Variants in ZNF550 observed in about 807,000 individuals in gnomAD.
ZNF550 encodes the protein zinc finger protein 550.
ZNF550 carries 42 observed loss-of-function variants against 40.2 expected under a neutral mutation model. That is an observed-to-expected ratio of 1.05 (90% CI 0.82 to 1.35). The LOEUF (loss-of-function observed/expected upper bound fraction) is 1.35, where lower values mean the gene tolerates loss of function less well. Among genes scored for constraint, ZNF550 ranks in the 40% most tolerant of loss-of-function variants. The pLI, the probability that ZNF550 is intolerant of heterozygous loss-of-function variation, is 0.00. For missense variants in ZNF550, 549 were observed against 525.2 expected (o/e 1.05, Z -0.44); for synonymous variants, 223 against 198.6 (o/e 1.12, Z -1.03).
chr19:57,550,195 G>A (rs375931807), intron 3 of ZNF550, among the ~76,000 whole-genome samples: 1 of 152,262 alleles, frequency 6.6e-6, no homozygotes, highest in East Asian at 1.9e-4. Flanking sequence ...CCCGAGTGCA[G>A]CAGCAGTCTC....
exon 4 of ZNF550, chr19:57,546,551 G>A (rs2090011628): frequency 5.0e-6 from 5 of 993,646 alleles, no homozygotes; most frequent in Admixed American, 5.4e-5. Flanking sequence ...TGACAACCTG[G>A]TCACAAAGTT....
chr19:57,547,047 G>C lies in ZNF550; in HGVS notation c.1197C>G (p.Tyr399Ter), dbSNP rs780662580. The C allele has an allele frequency of 1.2e-6, 2 of 1,613,976 alleles. No individual in the cohort carries two copies. Among genetic ancestry groups the C allele is most frequent in the Non-Finnish European group, 1.7e-6 (2 of 1,179,936 alleles). Reference sequence around the variant, plus strand: ...AGGCCTTCCCACACTCGATACACTTGTAGGGCATCTCCCCAGTGTGGATGA... The same window carrying C: ...AGGCCTTCCCACACTCGATACACTTCTAGGGCATCTCCCCAGTGTGGATGA... Residue 399 changes from tyrosine (Y) to a stop codon, truncating the protein, a stop_gained, in exon 4 of 5, where the codon TAC becomes TAG. Transcript: ENST00000457177. LOFTEE classifies it high-confidence loss of function.
exon 4 of ZNF550, chr19:57,547,539 T>C (rs761508859): frequency 1.2e-6 from 2 of 1,614,182 alleles, no homozygotes; most frequent in Admixed American, 3.3e-5. Flanking sequence ...CTTTCCCACA[T>C]GCATTGCATT....
chr19:57,553,438 T>G (rs2090091827), intron 2 of ZNF550: 1 of 152,252 alleles, frequency 6.6e-6, no homozygotes, highest in Non-Finnish European at 1.5e-5. Flanking sequence ...TTTCTTTCTT[T>G]TTTTGAAACA....
chr19:57,558,691 T>C (rs1377002232), intron 1 of ZNF550, among the ~76,000 whole-genome samples: 1 of 152,090 alleles, frequency 6.6e-6, no homozygotes. Flanking sequence ...GAGACCTCTT[T>C]AAGCAGCGGA....
chr19:57,544,007 T>TA lies in ZNF550; in HGVS notation c.*519-765_*519-764insT, dbSNP rs1167489511. On this transcript the variant is annotated intron_variant, in intron 4 of 4. Coordinates refer to ENST00000457177, the Ensembl canonical transcript of ZNF550. ...GGAAAACATACAGAAGTTCACAACT[T>TA]TTACTGTAAGTTCAAAACTTCTACT... 3.0e-6 allele frequency: 3 copies of TA among 985,332 alleles called. No homozygotes were observed. The African/African-American group carries it at 5.2e-5, about 17-fold the overall frequency. 61.0% of individuals were successfully genotyped at this position (985,332 alleles called of 1,614,324 possible).
chr19:57,551,883 A>G (rs2090075653), intron 3 of ZNF550, among the ~76,000 whole-genome samples: 1 of 152,212 alleles, frequency 6.6e-6, no homozygotes, highest in African/African-American at 2.4e-5. Context: ...ATATGGAGCA[A>G]AGGGCTGCTT....
At chr19:57,548,037 A>G (rs201040945) in intron 3 of ZNF550, 44 bp from the exon 4 acceptor site, 1 of 1,535,052 alleles carries the variant, frequency 6.5e-7, no homozygotes, top group Non-Finnish European at 8.8e-7. Flanking sequence ...TTAGTGATAA[A>G]ATATAGAAAA....
At chr19:57,544,273 C>T in intron 4 of ZNF550, 1 of 985,384 alleles carries the variant, frequency 1.0e-6, no homozygotes, top group Non-Finnish European at 1.2e-6. Context: ...ATCCTTGTAC[C>T]AAACACTTCA....
intron 2 of ZNF550, 150 bp downstream of exon 2, chr19:57,556,081 C>A: frequency 2.0e-6 from 2 of 1,016,422 alleles, no homozygotes; most frequent in Admixed American, 2.0e-5. Flanking sequence ...TCTACCCCGA[C>A]AATCTCTGAT....
chr19:57,546,028 T>C (rs190243994), intron 4 of ZNF550, among the ~76,000 whole-genome samples: 1 of 151,220 alleles, frequency 6.6e-6, no homozygotes, highest in Non-Finnish European at 1.5e-5. Flanking sequence ...AAATAATGAG[T>C]TTATTAATAA....
chr19:57,548,565 GAC>G (rs751587278), intron 3 of ZNF550, among the ~76,000 whole-genome samples: 1 of 152,116 alleles, frequency 6.6e-6, no homozygotes, highest in Non-Finnish European at 1.5e-5. Flanking sequence ...TTGTCCAAAA[GAC>G]AGGCAATAAC....
At chr19:57,556,202 C>G (rs1394628535) in intron 2 of ZNF550, 29 bp downstream of exon 2, 30 of 1,613,618 alleles carry the variant, frequency 1.9e-5, no homozygotes, top group Non-Finnish European at 2.5e-5. Context: ...GGTTAGGGTC[C>G]TCCTCAGGGA....
rs1299135908 is a variant in ZNF550 at position 57,554,146 on chromosome 19, T to G, written c.155-1424A>C. The G allele has an allele frequency of 6.6e-6, 1 of 152,034 alleles. No homozygotes were observed. The highest frequency in any genetic ancestry group is 6.6e-5 in the Admixed American group (1 of 15,252). 9.4% of individuals were successfully genotyped at this position (152,034 alleles called of 1,614,324 possible). A position where few individuals can be genotyped will look rare whatever the true frequency, so the allele number is the denominator to read the frequency against. On this transcript the variant is annotated intron_variant, in intron 2 of 4. Coordinates refer to ENST00000457177, the Ensembl canonical transcript of ZNF550. This position sits in a 1 kb window ranked among gnomAD's most constrained non-coding sequence, Gnocchi z 4.5. ...TGAGCTGAGATCATGGCACTGCACT[T>G]CAGCCTGAATGACAGAGCAAGACTC... is the stretch of plus-strand genomic sequence containing the variant.
intron 3 of ZNF550, among the ~76,000 whole-genome samples, chr19:57,552,106 A>G (rs1306521605): frequency 6.6e-6 from 1 of 152,258 alleles, no homozygotes; most frequent in African/African-American, 2.4e-5. Flanking sequence ...CCTATGGACC[A>G]GGAACTGAAC....
At chr19:57,556,521 C>T (rs2090123002) in intron 1 of ZNF550, 164 bp from the exon 2 acceptor site, 1 of 792,392 alleles carries the variant, frequency 1.3e-6, no homozygotes. Flanking sequence ...GCAGATACTG[C>T]CTTTTGACAA....
chr19:57,558,700 G>A (rs946182932), intron 1 of ZNF550, among the ~76,000 whole-genome samples: 2 of 152,142 alleles, frequency 1.3e-5, no homozygotes, highest in African/African-American at 4.8e-5. Context: ...TTAAGCAGCG[G>A]ACACCAGAGG....
chr19:57,552,916 T>C, intron 2 of ZNF550, 194 bp from the exon 3 acceptor site: 1 of 565,412 alleles, frequency 1.8e-6, no homozygotes, highest in Non-Finnish European at 3.1e-6. Context: ...AATCATATGT[T>C]GATGCCCTAA....
At chr19:57,544,593 C>A in intron 4 of ZNF550, 1 of 985,242 alleles carries the variant, frequency 1.0e-6, no homozygotes, top group South Asian at 4.7e-5. Context: ...CCTGAAAAAA[C>A]AAAAACAGAG....
Sources: gnomAD v4.1 joint callset for allele counts (sites outside exome capture counted in the v4.1 genomes callset) on GRCh38, gnomAD v4.1.1 for gene constraint, Gnocchi (gnomAD v3.1) non-coding constraint, MANE v1.5 for transcripts, NCBI Gene and HGNC (gene_info 2026-07-23, HGNC 2026-07-21) for gene names.